SMIM31: variants seen among roughly 807,000 people sequenced by gnomAD.
The protein encoded by SMIM31 is human epithelial cell program regulator.
intron 2 of SMIM31, among the ~76,000 whole-genome samples, chr4:164,790,284 G>A (rs1733082954): frequency 1.3e-5 from 2 of 152,078 alleles, no homozygotes; most frequent in East Asian, 1.9e-4. Flanking sequence ...TCACTGATTT[G>A]AATGATACTG....
rs910569794 is a variant in SMIM31 at position 164,802,029 on chromosome 4, T to C, written c.*835T>C. ...TGGGCAGATCACGAGGTCAGGAGAT[T>C]GAGACCATCCTAGCTAACACAGTGA... On this transcript the variant is annotated 3_prime_UTR_variant, in exon 3 of 3. Coordinates refer to ENST00000507311, the MANE Select transcript of SMIM31 (RefSeq NM_001352885.1). 2.6e-5 allele frequency: 4 copies of C among 151,862 alleles called. No homozygotes were observed. The highest frequency in any genetic ancestry group is 4.8e-5 in the African/African-American group (2 of 41,324). The allele number at this position is 151,862 out of a possible 1,614,324, so 9.4% of individuals were successfully genotyped here.
intron 1 of SMIM31, among the ~76,000 whole-genome samples, chr4:164,764,126 C>T (rs1268192876): frequency 1.3e-5 from 2 of 152,080 alleles, no homozygotes; most frequent in East Asian, 3.8e-4. Flanking sequence ...GTTGAATTTT[C>T]CCTAAGCTGT....
intron 2 of SMIM31, among the ~76,000 whole-genome samples, chr4:164,787,748 C>T (rs1462966886): frequency 6.6e-6 from 1 of 152,158 alleles, no homozygotes; most frequent in Non-Finnish European, 1.5e-5. Context: ...CATATGCACA[C>T]TCTCATGTGC....
chr4:164,769,710 C>T (rs911826350), intron 1 of SMIM31, among the ~76,000 whole-genome samples: 11 of 149,420 alleles, frequency 7.4e-5, no homozygotes, highest in East Asian at 6.0e-4. Context: ...CAAACCTGCA[C>T]GTTGTGCACA....
chr4:164,768,726 A>G (rs1047232880), intron 1 of SMIM31, among the ~76,000 whole-genome samples: 12 of 152,102 alleles, frequency 7.9e-5, no homozygotes, highest in African/African-American at 2.7e-4. Context: ...AGATGGCACA[A>G]ATTTTTCTGT....
At chr4:164,792,666 A>C (rs752540952) in intron 2 of SMIM31, among the ~76,000 whole-genome samples, 1 of 152,222 alleles carries the variant, frequency 6.6e-6, no homozygotes. Flanking sequence ...ACTATGGAAG[A>C]CCACTTCAGT....
At chr4:164,781,975 T>G (rs2110945998) in intron 2 of SMIM31, among the ~76,000 whole-genome samples, 1 of 152,234 alleles carries the variant, frequency 6.6e-6, no homozygotes, top group Admixed American at 6.5e-5. Context: ...TTATCAAAAC[T>G]CATGGGCCTA....
At chr4:164,798,432 G>A (rs920083715) in intron 2 of SMIM31, among the ~76,000 whole-genome samples, 2 of 151,280 alleles carry the variant, frequency 1.3e-5, no homozygotes, top group African/African-American at 2.4e-5. Context: ...TAGTAGAGAC[G>A]GGGTTTCACC....
intron 1 of SMIM31, among the ~76,000 whole-genome samples, chr4:164,757,171 T>C (rs1732573195): frequency 6.6e-6 from 1 of 152,328 alleles, no homozygotes; most frequent in African/African-American, 2.4e-5. Flanking sequence ...ATGAATGTCG[T>C]TAAGCATTTT....
chr4:164,762,662 CAAAAAAAAAAA>C (rs1162067333), intron 1 of SMIM31, among the ~76,000 whole-genome samples: 1 of 100,116 alleles, frequency 1.0e-5, no homozygotes, highest in African/African-American at 3.6e-5. Context: ...GACTCTGTCT[CAAAAAAAAAAA>C]AAAAAAAAAA....
At position 164,799,683 on chromosome 4, in the gene SMIM31, AC is replaced by A. The variant is rs373743847; in HGVS notation, c.113-1407del. Among the ~76,000 whole-genome samples the A allele has an allele frequency of 9.2e-5, 14 of 152,368 alleles. No homozygotes were observed. The East Asian group carries it at 2.3e-3, about 25-fold the overall frequency. The stretch of plus-strand genomic sequence containing the variant: ...CTCACCCAGAAACACCCTGACAGAT[AC>A]ACCCAGAAACAATGTTTAATCTGGG... On this transcript the variant is annotated intron_variant, in intron 2 of 2. Transcript: ENST00000507311.
intron 1 of SMIM31, among the ~76,000 whole-genome samples, chr4:164,757,815 C>T (rs1198442722): frequency 1.0e-5 from 1 of 97,926 alleles, no homozygotes; most frequent in Non-Finnish European, 2.5e-5. Flanking sequence ...CTTTTGATTA[C>T]TAAAGTTTAT....
chr4:164,774,101 G>A (rs1459775585), intron 2 of SMIM31, among the ~76,000 whole-genome samples: 2 of 150,588 alleles, frequency 1.3e-5, no homozygotes, highest in African/African-American at 4.9e-5. Flanking sequence ...GGGAGGTGGA[G>A]CATGCCGTGA....
chr4:164,773,973 T>C (rs1255192238), intron 2 of SMIM31, among the ~76,000 whole-genome samples: 2 of 152,060 alleles, frequency 1.3e-5, no homozygotes, highest in African/African-American at 4.8e-5. Context: ...GAGACCATCC[T>C]GGATAACATG....
At chr4:164,764,888 T>C (rs1387075684) in intron 1 of SMIM31, among the ~76,000 whole-genome samples, 1 of 152,170 alleles carries the variant, frequency 6.6e-6, no homozygotes, top group Non-Finnish European at 1.5e-5. Flanking sequence ...AAGAACAGAA[T>C]TTTAGCTGAT....
chr4:164,772,371 C>T lies in SMIM31; in HGVS notation c.112+1816C>T, dbSNP rs140390725. 1.3e-4 allele frequency among the ~76,000 whole-genome samples: 20 copies of T among 152,268 alleles called. No homozygotes were observed. The East Asian group carries it at 3.5e-3, about 27-fold the overall frequency. Reference sequence around the variant, plus strand: ...TCCAATCACCTCTCACCAGGCCCCACCTTCAACACTGGGTATTACATTTCA... The same window carrying T: ...TCCAATCACCTCTCACCAGGCCCCATCTTCAACACTGGGTATTACATTTCA... On this transcript the variant is annotated intron_variant, in intron 2 of 2. Transcript: ENST00000507311.
chr4:164,754,545 G>T (rs1732529129), intron 1 of SMIM31, 134 bp downstream of exon 1: 1 of 132,504 alleles, frequency 7.5e-6, no homozygotes, highest in Non-Finnish European at 1.6e-5. Context: ...GTTCTTTCCT[G>T]GAGGTATTTT....
intron 2 of SMIM31, among the ~76,000 whole-genome samples, chr4:164,798,379 G>A (rs1344652766): frequency 2.6e-5 from 4 of 151,584 alleles, no homozygotes; most frequent in Non-Finnish European, 2.9e-5. Flanking sequence ...GACTACAGGC[G>A]CCCACCACCA....
chr4:164,760,187 C>G (rs1383951994), intron 1 of SMIM31, among the ~76,000 whole-genome samples: 1 of 152,050 alleles, frequency 6.6e-6, no homozygotes, highest in Non-Finnish European at 1.5e-5. Flanking sequence ...TTAGGGTCTT[C>G]CAACAGGACA....
Sources: gnomAD v4.1 joint callset for allele counts (sites outside exome capture counted in the v4.1 genomes callset) on GRCh38, gnomAD v4.1.1 for gene constraint, MANE v1.5 for transcripts, NCBI Gene and HGNC (gene_info 2026-07-23, HGNC 2026-07-21) for gene names.